DDX46: variants seen among roughly 807,000 people sequenced by gnomAD.
The protein encoded by DDX46 is DEAD-box helicase 46.
DDX46 carries 30 observed loss-of-function variants against 134.9 expected under a neutral mutation model. The observed-to-expected ratio is 0.22, with a 90% CI of 0.17 to 0.30. The LOEUF (loss-of-function observed/expected upper bound fraction) is 0.30. Among genes scored for constraint, DDX46 ranks in the 10% least tolerant of loss-of-function variants. DDX46 has a pLI of 1.00. For synonymous variants in DDX46, 415 were observed against 404.1 expected (o/e 1.03, Z -0.32); for missense variants, 622 against 1,248.7 (o/e 0.50, Z 7.56).
intron 15 of DDX46, among the ~76,000 whole-genome samples, chr5:134,807,464 G>T (rs1010166654): frequency 6.6e-6 from 1 of 152,060 alleles, no homozygotes; most frequent in Non-Finnish European, 1.5e-5. Context: ...GCCTTTTCTC[G>T]CTTTGGCTCC....
chr5:134,805,456 G>A (rs924736513), intron 15 of DDX46, among the ~76,000 whole-genome samples: 5 of 151,398 alleles, frequency 3.3e-5, no homozygotes, highest in Non-Finnish European at 7.4e-5. Context: ...ATGAGCCACC[G>A]CTTCTGGCTG....
In DDX46 at chr5:134,829,685, C is replaced by T. The variant is rs1755682833; in HGVS notation, c.*979C>T. ...CATAAATTGTGTTTTTGAGGCTGGG[C>T]GCAGTGACTCACACCTGTATCCCAG... is the stretch of plus-strand genomic sequence containing the variant. On this transcript the variant is annotated 3_prime_UTR_variant, in exon 23 of 23. Coordinates refer to ENST00000452510, the MANE Select transcript of DDX46 (RefSeq NM_001300860.2). 6.6e-6 allele frequency: 1 copy of T among 152,032 alleles called. No homozygotes were observed. Among genetic ancestry groups the T allele is most frequent in the African/African-American group, 2.4e-5 (1 of 41,380 alleles). The allele number at this position is 152,032 out of a possible 1,614,324, so 9.4% of individuals were successfully genotyped here. A position where few individuals can be genotyped will look rare whatever the true frequency, so the allele number is the denominator to read the frequency against.
intron 18 of DDX46, among the ~76,000 whole-genome samples, chr5:134,814,396 A>G (rs897835773): frequency 6.6e-6 from 1 of 152,196 alleles, no homozygotes; most frequent in Non-Finnish European, 1.5e-5. Context: ...GTAATATATA[A>G]TTTTATGAAA....
chr5:134,803,435 T>C (rs998235489), intron 15 of DDX46, among the ~76,000 whole-genome samples: 4 of 152,216 alleles, frequency 2.6e-5, no homozygotes, highest in South Asian at 2.1e-4. Context: ...TCAGGATTTA[T>C]CTCCTCTGTT....
At chr5:134,782,465 C>T (rs183946723) in intron 8 of DDX46, among the ~76,000 whole-genome samples, 1 of 151,842 alleles carries the variant, frequency 6.6e-6, no homozygotes, top group African/African-American at 2.4e-5. Context: ...TATGGTGAAA[C>T]CCCATCTCTA....
intron 2 of DDX46, 69 bp from the exon 3 acceptor site, chr5:134,766,848 C>G: frequency 6.6e-7 from 1 of 1,507,706 alleles, no homozygotes; most frequent in Non-Finnish European, 8.9e-7. Context: ...CAATGTGGGA[C>G]AGAATCCCCT....
At position 134,794,073 on chromosome 5, in the gene DDX46, G is replaced by A. The variant is rs567123147; in HGVS notation, c.1627-777G>A. Among the ~76,000 whole-genome samples the A allele has an allele frequency of 1.3e-4, 20 of 152,216 alleles. No homozygotes were observed. The South Asian group carries it at 2.7e-3, about 21-fold the overall frequency. On this transcript the variant is annotated intron_variant, in intron 13 of 22. Coordinates refer to ENST00000452510, the MANE Select transcript of DDX46 (RefSeq NM_001300860.2). Reference sequence around the variant, plus strand: ...GAGGTCCGGGCTTGTAGTGGTTGGCGGGGTGTGAATGCAACAATAACAGGC... The same window carrying A: ...GAGGTCCGGGCTTGTAGTGGTTGGCAGGGTGTGAATGCAACAATAACAGGC...
At position 134,774,422 on chromosome 5, in the gene DDX46, G is replaced by C. The variant is rs78754250; in HGVS notation, c.613+561G>C. On this transcript the variant is annotated intron_variant, in intron 5 of 22. Transcript: ENST00000452510. ...GTGAGTAATGCTCCTGTGACCATTG[G>C]TGTATAAATATCTGTTTGAGTCTCT... 8.3e-3 allele frequency among the ~76,000 whole-genome samples: 1,266 copies of C among 152,256 alleles called. 18 individuals are homozygous for C. Among genetic ancestry groups the C allele is most frequent in the African/African-American group, 0.028 (1,154 of 41,536 alleles).
chr5:134,767,188 C>T (rs1296398690), intron 3 of DDX46, 128 bp downstream of exon 3: 14 of 1,153,586 alleles, frequency 1.2e-5, no homozygotes, highest in Non-Finnish European at 5.9e-6. Flanking sequence ...CTACCATGAA[C>T]TGTTGGCAGT....
At chr5:134,821,536 G>T (rs25785) in intron 21 of DDX46, among the ~76,000 whole-genome samples, 8,522 of 94,304 alleles carry the variant, frequency 0.09, 546 homozygotes, top group African/African-American at 0.24. Flanking sequence ...TGGGTTTTTT[G>T]TTTTTTTTTT....
intron 18 of DDX46, among the ~76,000 whole-genome samples, chr5:134,813,235 G>GC (rs1166794382): frequency 6.6e-6 from 1 of 152,158 alleles, no homozygotes; most frequent in African/African-American, 2.4e-5. Flanking sequence ...GAGCCACCAC[G>GC]CCCGACCACA....
At chr5:134,812,677 C>T in intron 18 of DDX46, among the ~76,000 whole-genome samples, 1 of 151,966 alleles carries the variant, frequency 6.6e-6, no homozygotes, top group East Asian at 1.9e-4. Context: ...TGCTCTGTCA[C>T]CCAGGCCAGA....
intron 3 of DDX46, among the ~76,000 whole-genome samples, chr5:134,768,883 A>G (rs1753667438): frequency 6.6e-6 from 1 of 151,992 alleles, no homozygotes; most frequent in Non-Finnish European, 1.5e-5. Flanking sequence ...ACATGGTGAA[A>G]CCTCGTCTTT....
At chr5:134,818,389 C>T (rs538385930) in intron 20 of DDX46, among the ~76,000 whole-genome samples, 9 of 151,520 alleles carry the variant, frequency 5.9e-5, no homozygotes, top group South Asian at 2.1e-4. Flanking sequence ...CCATCACGCC[C>T]GGCCAATAAT....
At chr5:134,790,354 G>A (rs576433658) in intron 12 of DDX46, 116 bp from the exon 13 acceptor site, 1 of 853,234 alleles carries the variant, frequency 1.2e-6, no homozygotes, top group African/African-American at 1.7e-5. Context: ...TTACCCCTCT[G>A]GTTAAGTCAG....
chr5:134,771,057 T>TC, intron 4 of DDX46, 58 bp downstream of exon 4: 1 of 714,754 alleles, frequency 1.4e-6, no homozygotes, highest in East Asian at 3.0e-5. Flanking sequence ...TCTTTCTTTC[T>TC]TTTCTTTCTT....
At chr5:134,771,343 T>C (rs557220186) in intron 4 of DDX46, among the ~76,000 whole-genome samples, 1 of 147,140 alleles carries the variant, frequency 6.8e-6, no homozygotes, top group East Asian at 2.1e-4. Context: ...TCCCCCTGCC[T>C]CGGACCCCCA....
At chr5:134,819,709 C>CT (rs1264209667) in intron 21 of DDX46, among the ~76,000 whole-genome samples, 2 of 148,320 alleles carry the variant, frequency 1.3e-5, no homozygotes, top group Non-Finnish European at 3.0e-5. Flanking sequence ...TTTTTTTTGT[C>CT]TTTTTGTAGA....
chr5:134,776,930 AG>A (rs1561856111), intron 5 of DDX46, among the ~76,000 whole-genome samples: 2 of 128,072 alleles, frequency 1.6e-5, no homozygotes, highest in Non-Finnish European at 3.3e-5. Context: ...AAAAAAAAAA[AG>A]GCCAGGCGTG....
Sources: gnomAD v4.1 joint callset for allele counts (sites outside exome capture counted in the v4.1 genomes callset) on GRCh38, gnomAD v4.1.1 for gene constraint, MANE v1.5 for transcripts, NCBI Gene and HGNC (gene_info 2026-07-23, HGNC 2026-07-21) for gene names.